The following CERS3 variants were observed in gnomAD, a reference collection of about 807,000 sequenced individuals.
CERS3 encodes LAG1 homolog, ceramide synthase 3.
A neutral mutation model predicts 50.3 loss-of-function variants in CERS3; 33 were observed. The observed-to-expected ratio is 0.66, with a 90% CI of 0.50 to 0.88. The LOEUF is 0.88. CERS3 is among the 40% of genes least tolerant of loss of function. CERS3 has a pLI of 0.00. For synonymous variants in CERS3, 176 were observed against 155.2 expected (o/e 1.13, Z -0.99); for missense variants, 470 against 460.3 (o/e 1.02, Z -0.19).
At chr15:100,434,286 T>C (rs1191235459) in intron 11 of CERS3, among the ~76,000 whole-genome samples, 1 of 152,198 alleles carries the variant, frequency 6.6e-6, no homozygotes, top group Non-Finnish European at 1.5e-5. Context: ...TGCCCAGGAC[T>C]GCTTTGCTCA....
At chr15:100,479,350 AC>A (rs1163903235) in intron 7 of CERS3, 77 bp downstream of exon 7, 2 of 1,092,850 alleles carry the variant, frequency 1.8e-6, no homozygotes, top group Non-Finnish European at 2.7e-6. Context: ...GTAGCAGGGG[AC>A]CAAGACGTAA....
chr15:100,540,111 C>G (rs2037163864), intron 1 of CERS3, among the ~76,000 whole-genome samples: 1 of 152,212 alleles, frequency 6.6e-6, no homozygotes. Flanking sequence ...CCCCACCTTA[C>G]TGTCCACCAA....
chr15:100,428,896 A>G (rs938319310), intron 11 of CERS3, among the ~76,000 whole-genome samples: 14 of 152,358 alleles, frequency 9.2e-5, no homozygotes, highest in Non-Finnish European at 1.9e-4. Flanking sequence ...GTTGTAACCT[A>G]TAGTTTAACA....
At chr15:100,522,040 C>T (rs374277558) in intron 1 of CERS3, among the ~76,000 whole-genome samples, 24 of 152,192 alleles carry the variant, frequency 1.6e-4, no homozygotes, top group African/African-American at 5.5e-4. Flanking sequence ...TTAAATGGAA[C>T]ACACGCTTAC....
chr15:100,406,072 A>T (rs1312565817), intron 11 of CERS3, among the ~76,000 whole-genome samples: 1 of 152,222 alleles, frequency 6.6e-6, no homozygotes, highest in Admixed American at 6.5e-5. Flanking sequence ...TTGCAGAGAA[A>T]TCTAGAAAAA....
intron 7 of CERS3, among the ~76,000 whole-genome samples, chr15:100,477,084 G>T (rs544772406): frequency 1.3e-5 from 2 of 152,322 alleles, no homozygotes; most frequent in South Asian, 2.1e-4. Flanking sequence ...GACACCACAT[G>T]GAGCAGAAAC....
At chr15:100,442,874 A>C (rs370004051) in intron 11 of CERS3, among the ~76,000 whole-genome samples, 13,122 of 135,752 alleles carry the variant, frequency 0.097, 401 homozygotes, top group Admixed American at 0.17. Context: ...TACGGAGGCT[A>C]CCCACTCCAC....
At chr15:100,486,999 A>G (rs550312369) in intron 4 of CERS3, among the ~76,000 whole-genome samples, 2 of 152,330 alleles carry the variant, frequency 1.3e-5, no homozygotes, top group East Asian at 3.9e-4. Context: ...ATTTTGGAGT[A>G]CAGAAGAATC....
At position 100,493,992 on chromosome 15, in the gene CERS3, G is replaced by C. The variant is rs371805438; in HGVS notation, c.174-3061C>G. Among the ~76,000 whole-genome samples, 8 of 151,810 alleles carry C rather than the reference G, an allele frequency of 5.3e-5. No individual in the cohort carries two copies. The East Asian group carries it at 1.2e-3, about 22-fold the overall frequency. On this transcript the variant is annotated intron_variant, in intron 3 of 11. Coordinates refer to ENST00000679737, the MANE Select transcript of CERS3 (RefSeq NM_001378789.1). ...AAGCCTCTAATAAGTCCACTATCTA[G>C]GCTTTCTCAGAAACACTTGCAATAA...
intron 11 of CERS3, among the ~76,000 whole-genome samples, chr15:100,440,551 C>T (rs1256899695): frequency 1.3e-5 from 2 of 152,348 alleles, no homozygotes; most frequent in African/African-American, 2.4e-5. Context: ...GTGAAATAAA[C>T]AGCCTTGTTG....
At chr15:100,530,958 C>T (rs2036923952), upstream of CERS3, among the ~76,000 whole-genome samples, 1 of 152,036 alleles carries the variant, frequency 6.6e-6, no homozygotes, top group Admixed American at 6.6e-5. Context: ...GTGGTGGGCG[C>T]CTGTAATCCC....
At chr15:100,447,748 G>T (rs371134389) in intron 11 of CERS3, among the ~76,000 whole-genome samples, 3 of 152,208 alleles carry the variant, frequency 2.0e-5, no homozygotes, top group East Asian at 3.8e-4. Flanking sequence ...TCTGGGGCCT[G>T]TATGTACCAC....
At chr15:100,441,366 G>A (rs1429091702) in intron 11 of CERS3, among the ~76,000 whole-genome samples, 1 of 147,560 alleles carries the variant, frequency 6.8e-6, no homozygotes, top group Non-Finnish European at 1.5e-5. Context: ...CCTTATCTCT[G>A]CACCCCAATC....
rs557322107 is a variant in CERS3, at chr15:100,452,496, C to T, written c.999+3397G>A. 5.9e-4 allele frequency among the ~76,000 whole-genome samples: 90 copies of T among 152,030 alleles called. No homozygotes were observed. In the South Asian group the frequency reaches 0.018, roughly 30 times the overall value. On this transcript the variant is annotated intron_variant, in intron 11 of 11. Transcript: ENST00000679737. ...ACAACATATCAAAACCTATGAGATACAACAAAAGCAGTGCTAAGAGGGAAG... is the reference window on the plus strand; with the variant it reads ...ACAACATATCAAAACCTATGAGATATAACAAAAGCAGTGCTAAGAGGGAAG...
At position 100,473,040 on chromosome 15, in the gene CERS3, GA is replaced by G. The variant is rs1290574168; in HGVS notation, c.621del (p.His208IlefsTer11). On this transcript the variant is annotated frameshift_variant, in exon 9 of 12. Transcript: ENST00000679737. LOFTEE classifies it high-confidence loss of function. ...GFDVKRKDFL[A>X]HIIHHLAAIS... is the part of the protein sequence containing the mutation. ...ATAGCAGCCAGGTGGTGGATGATATGAGCTAGAAAATCCTGTAAGATGAGGG... is the reference window on the plus strand; with the variant it reads ...ATAGCAGCCAGGTGGTGGATGATATGGCTAGAAAATCCTGTAAGATGAGGG... 6.2e-7 allele frequency: 1 copy of G among 1,612,960 alleles called. No individual in the cohort carries two copies. The highest frequency in any genetic ancestry group is 1.1e-5 in the South Asian group (1 of 90,916).
At chr15:100,525,266 G>T (rs1284950335) in intron 1 of CERS3, among the ~76,000 whole-genome samples, 2 of 152,164 alleles carry the variant, frequency 1.3e-5, no homozygotes, top group Admixed American at 1.3e-4. Context: ...CTTTCCATTA[G>T]ATTGAAACAT....
chr15:100,449,501 A>G (rs2034074312), intron 11 of CERS3, among the ~76,000 whole-genome samples: 1 of 152,172 alleles, frequency 6.6e-6, no homozygotes, highest in Non-Finnish European at 1.5e-5. Context: ...GGACAGGACC[A>G]TTTGGCCCAC....
chr15:100,417,347 C>A (rs955287900), intron 11 of CERS3, among the ~76,000 whole-genome samples: 17 of 152,146 alleles, frequency 1.1e-4, no homozygotes, highest in African/African-American at 4.1e-4. Flanking sequence ...TCGGGTCACT[C>A]CCACCCTAAT....
At chr15:100,433,235 C>CA (rs5814963) in intron 11 of CERS3, among the ~76,000 whole-genome samples, 7,990 of 98,242 alleles carry the variant, frequency 0.081, 400 homozygotes, top group African/African-American at 0.18. Flanking sequence ...GACTCTGTCT[C>CA]AAAAAAAAAA....
Sources: allele counts gnomAD v4.1 joint callset (sites outside exome capture counted in the v4.1 genomes callset), GRCh38; gene constraint gnomAD v4.1.1; transcripts MANE v1.5; gene names NCBI Gene and HGNC (gene_info 2026-07-23, HGNC 2026-07-21).